The following ASIP variants were observed in gnomAD, a reference collection of about 807,000 sequenced individuals.
ASIP encodes the protein agouti signaling protein, also known as agouti-signaling protein.
In ASIP, 11 loss-of-function variants were observed where a neutral mutation model predicts 10.3. The ratio of observed to expected loss-of-function variants is 1.07; its 90% CI spans 0.68 to 1.78. The LOEUF (loss-of-function observed/expected upper bound fraction) is 1.78. Ranked by LOEUF, ASIP falls within the 40% of genes most tolerant of loss-of-function variation. The pLI is 0.00. For missense variants in ASIP, 180 were observed against 169.2 expected (o/e 1.06, Z -0.35); for synonymous variants, 70 against 70.8 (o/e 0.99, Z 0.06).
At position 34,248,135 on chromosome 20, in the gene ASIP, G is replaced by T. The variant is rs900446112; in HGVS notation, c.-11+6646G>T. On this transcript the variant is annotated intron_variant, in intron 1 of 3. Transcript: ENST00000374954. Reference sequence around the variant, plus strand: ...GCAGAAGAATCGCTTGAACCCGGGAGGTGAAGGTTGCAGTGAGCCAAGATC... The same window carrying T: ...GCAGAAGAATCGCTTGAACCCGGGATGTGAAGGTTGCAGTGAGCCAAGATC... Among the ~76,000 whole-genome samples the T allele has an allele frequency of 2.0e-5, 3 of 152,220 alleles. No homozygotes were observed. In the South Asian group the frequency reaches 6.2e-4, roughly 32 times the overall value.
At chr20:34,262,794 G>A (rs748676213) in intron 2 of ASIP, 38 bp from the exon 3 acceptor site, 56 of 1,612,498 alleles carry the variant, frequency 3.5e-5, no homozygotes, top group Admixed American at 6.7e-5. Context: ...AACGTCCCCA[G>A]AAACATCTGA....
At chr20:34,217,917 T>C (rs1489370087) in intron 1 of ASIP, among the ~76,000 whole-genome samples, 1 of 152,198 alleles carries the variant, frequency 6.6e-6, no homozygotes, top group Non-Finnish European at 1.5e-5. Flanking sequence ...GAATCAGCAA[T>C]TGTCTTCAGA....
At chr20:34,263,304 C>T (rs967472287) in intron 3 of ASIP, among the ~76,000 whole-genome samples, 1 of 152,224 alleles carries the variant, frequency 6.6e-6, no homozygotes, top group African/African-American at 2.4e-5. Flanking sequence ...GTGGCTCACG[C>T]CTATAATCCC....
intron 1 of ASIP, among the ~76,000 whole-genome samples, chr20:34,220,414 T>G (rs1192890707): frequency 6.6e-6 from 1 of 151,990 alleles, no homozygotes; most frequent in Non-Finnish European, 1.5e-5. Flanking sequence ...CTGGGCAACA[T>G]GATGAAACCC....
At chr20:34,256,892 C>T (rs905131598) in intron 1 of ASIP, among the ~76,000 whole-genome samples, 1 of 151,948 alleles carries the variant, frequency 6.6e-6, no homozygotes, top group Non-Finnish European at 1.5e-5. Flanking sequence ...GTGATTCTCC[C>T]ACCTCAGCCA....
chr20:34,210,813 G>A (rs931854398), intron 1 of ASIP, among the ~76,000 whole-genome samples: 1 of 152,206 alleles, frequency 6.6e-6, no homozygotes, highest in Non-Finnish European at 1.5e-5. Context: ...CATGCTGTTA[G>A]CTGTGGGGAC....
intron 1 of ASIP, among the ~76,000 whole-genome samples, chr20:34,219,913 C>A (rs2035033878): frequency 2.0e-5 from 3 of 151,994 alleles, no homozygotes; most frequent in African/African-American, 4.8e-5. Flanking sequence ...CACGGTGAAA[C>A]CCCGTCTCTA....
chr20:34,253,961 A>G (rs1170572950), intron 1 of ASIP, among the ~76,000 whole-genome samples: 2 of 152,262 alleles, frequency 1.3e-5, no homozygotes, highest in Non-Finnish European at 2.9e-5. Flanking sequence ...TCACACATCA[A>G]ATAACAGTCT....
At chr20:34,268,940 C>G in intron 3 of ASIP, 51 bp from the exon 4 acceptor site, 1 of 1,555,824 alleles carries the variant, frequency 6.4e-7, no homozygotes, top group Non-Finnish European at 8.7e-7. Flanking sequence ...GAGGTGAGGA[C>G]CGGAGGGGTG....
chr20:34,266,425 C>T (rs961624110), intron 3 of ASIP, among the ~76,000 whole-genome samples: 8 of 151,924 alleles, frequency 5.3e-5, no homozygotes, highest in African/African-American at 1.9e-4. Context: ...GTAATCCCAG[C>T]ACTTCAGGAG....
chr20:34,227,548 T>A (rs746195021), intron 1 of ASIP, among the ~76,000 whole-genome samples: 15 of 151,686 alleles, frequency 9.9e-5, no homozygotes, highest in Non-Finnish European at 1.6e-4. Context: ...GGAGAATCAC[T>A]TGAACCCAGG....
intron 1 of ASIP, chr20:34,215,708 T>TCAA: frequency 7.0e-7 from 1 of 1,437,372 alleles, no homozygotes. Context: ...TTTAACTTGA[T>TCAA]GTTCCAGTAC....
intron 1 of ASIP, among the ~76,000 whole-genome samples, chr20:34,199,568 C>T (rs1355644854): frequency 2.6e-5 from 4 of 152,104 alleles, no homozygotes; most frequent in African/African-American, 4.8e-5. Flanking sequence ...AGACTAATGA[C>T]GTTTAGCACC....
intron 1 of ASIP, among the ~76,000 whole-genome samples, chr20:34,225,893 T>A (rs1208018597): frequency 8.7e-6 from 1 of 114,796 alleles, no homozygotes; most frequent in African/African-American, 3.2e-5. Flanking sequence ...GTGCACCTAC[T>A]TTTTTTTTTT....
intron 1 of ASIP, among the ~76,000 whole-genome samples, chr20:34,200,465 A>G (rs1457019401): frequency 1.3e-5 from 2 of 152,248 alleles, no homozygotes; most frequent in African/African-American, 4.8e-5. Flanking sequence ...TCTTACCAAG[A>G]AGTAAATATG....
intron 1 of ASIP, among the ~76,000 whole-genome samples, chr20:34,220,318 C>T (rs1223158367): frequency 1.3e-5 from 2 of 150,594 alleles, no homozygotes; most frequent in Admixed American, 6.6e-5. Context: ...GCACAGGGGC[C>T]GGGTGCAGTG....
chr20:34,191,597 A>G (rs145620249), upstream of ASIP, among the ~76,000 whole-genome samples: 22 of 152,302 alleles, frequency 1.4e-4, no homozygotes, highest in Middle Eastern at 3.4e-3. Context: ...CTCCTCTCAG[A>G]CAAAACAGTT....
chr20:34,213,323 A>G (rs1174587457), intron 1 of ASIP, among the ~76,000 whole-genome samples: 3 of 152,208 alleles, frequency 2.0e-5, no homozygotes, highest in Non-Finnish European at 4.4e-5. Flanking sequence ...ATTATAAATT[A>G]CCCAGTCTGT....
intron 1 of ASIP, among the ~76,000 whole-genome samples, chr20:34,226,238 TACC>T (rs2035092210): frequency 6.6e-6 from 1 of 152,340 alleles, no homozygotes; most frequent in African/African-American, 2.4e-5. Context: ...TATGTCAGCT[TACC>T]ATTATTGTCC....
Sources: gnomAD v4.1 joint callset for allele counts (sites outside exome capture counted in the v4.1 genomes callset) on GRCh38, gnomAD v4.1.1 for gene constraint, MANE v1.5 for transcripts, NCBI Gene and HGNC (gene_info 2026-07-23, HGNC 2026-07-21) for gene names.